The following ARHGAP15 variants were observed in gnomAD, a reference collection of about 807,000 sequenced individuals.
ARHGAP15 encodes Rho GTPase activating protein 15, also known as rho GTPase-activating protein 15.
A neutral mutation model predicts 63.7 loss-of-function variants in ARHGAP15; 51 were observed. The observed-to-expected ratio is 0.80, with a 90% CI of 0.64 to 1.01. The LOEUF (loss-of-function observed/expected upper bound fraction) is 1.01, where lower values mean the gene tolerates loss of function less well. Among genes scored for constraint, ARHGAP15 ranks in the 50% least tolerant of loss-of-function variants. The pLI, the probability that ARHGAP15 is intolerant of heterozygous loss-of-function variation, is 0.00. For missense variants in ARHGAP15, 560 were observed against 564.6 expected (o/e 0.99, Z 0.08); for synonymous variants, 191 against 193.8 (o/e 0.99, Z 0.12).
chr2:143,553,408 A>C (rs543093368), intron 10 of ARHGAP15, among the ~76,000 whole-genome samples: 1 of 152,178 alleles, frequency 6.6e-6, no homozygotes, highest in Non-Finnish European at 1.5e-5. Context: ...AGGGCTTGGA[A>C]GTTGTGTCAA....
chr2:143,460,619 G>A lies in ARHGAP15; in HGVS notation c.703+23577G>A, dbSNP rs537095079. ...TTGCTTGATATGTAATTGCATTAGG[G>A]TTATCATTCTTTTTAATATCATTTT... On this transcript the variant is annotated intron_variant, in intron 8 of 13. Transcript: ENST00000295095. Among the ~76,000 whole-genome samples, 4 of 152,178 alleles carry A rather than the reference G, an allele frequency of 2.6e-5. No homozygotes were observed. In the South Asian group the frequency reaches 8.3e-4, roughly 32 times the overall value.
At chr2:143,505,606 T>C (rs921083602) in intron 9 of ARHGAP15, among the ~76,000 whole-genome samples, 1 of 152,202 alleles carries the variant, frequency 6.6e-6, no homozygotes, top group African/African-American at 2.4e-5. Flanking sequence ...TTGCGTGGAA[T>C]AACTAGCAGA....
intron 6 of ARHGAP15, among the ~76,000 whole-genome samples, chr2:143,252,531 C>G (rs143393714): frequency 6.6e-6 from 1 of 151,830 alleles, no homozygotes; most frequent in Non-Finnish European, 1.5e-5. Flanking sequence ...CTTACAGACG[C>G]TTTATTTTTT....
At chr2:143,523,535 CAT>C (rs1043102600) in intron 10 of ARHGAP15, among the ~76,000 whole-genome samples, 6 of 152,072 alleles carry the variant, frequency 3.9e-5, no homozygotes, top group African/African-American at 1.4e-4. Context: ...GCGAACCAGT[CAT>C]GTTTCTACCC....
intron 2 of ARHGAP15, among the ~76,000 whole-genome samples, chr2:143,191,607 T>C (rs1179410563): frequency 6.6e-6 from 1 of 152,198 alleles, no homozygotes; most frequent in Non-Finnish European, 1.5e-5. Context: ...TATGTGATTC[T>C]TACTGTTATA....
chr2:143,307,855 A>G (rs1401672710), intron 6 of ARHGAP15, among the ~76,000 whole-genome samples: 1 of 152,136 alleles, frequency 6.6e-6, no homozygotes, highest in East Asian at 1.9e-4. Context: ...CTCCAAAAGA[A>G]AAAAAGTTCC....
intron 13 of ARHGAP15, among the ~76,000 whole-genome samples, chr2:143,749,378 G>A (rs997897924): frequency 6.6e-5 from 10 of 152,058 alleles, no homozygotes; most frequent in East Asian, 1.9e-4. Context: ...ATGATCACAC[G>A]AAAACGATCT....
intron 10 of ARHGAP15, among the ~76,000 whole-genome samples, chr2:143,541,740 T>A (rs1695064241): frequency 6.6e-6 from 1 of 152,120 alleles, no homozygotes; most frequent in Non-Finnish European, 1.5e-5. Context: ...CTCTGGAAGT[T>A]TTGTCTCAGA....
chr2:143,519,921 A>G (rs1440910297), intron 10 of ARHGAP15, among the ~76,000 whole-genome samples: 1 of 152,144 alleles, frequency 6.6e-6, no homozygotes, highest in Non-Finnish European at 1.5e-5. Flanking sequence ...AAATTATTTC[A>G]TCTTACTGAA....
chr2:143,547,958 C>G (rs1227657674), intron 10 of ARHGAP15, among the ~76,000 whole-genome samples: 1 of 152,050 alleles, frequency 6.6e-6, no homozygotes, highest in African/African-American at 2.4e-5. Context: ...CTGAACTTTT[C>G]AAGGCATAAA....
At chr2:143,569,495 G>A (rs1248276065) in intron 11 of ARHGAP15, among the ~76,000 whole-genome samples, 1 of 152,158 alleles carries the variant, frequency 6.6e-6, no homozygotes, top group African/African-American at 2.4e-5. Context: ...AAGCAGGGAG[G>A]CATGGAGAGA....
chr2:143,255,914 G>A (rs6719609), intron 6 of ARHGAP15, among the ~76,000 whole-genome samples: 34,093 of 152,032 alleles, frequency 0.22, 4,112 homozygotes, highest in South Asian at 0.35. Context: ...TTGCCCTACA[G>A]CTTGTCCCCA....
chr2:143,661,311 T>C (rs1258382344), intron 12 of ARHGAP15, among the ~76,000 whole-genome samples: 1 of 152,166 alleles, frequency 6.6e-6, no homozygotes, highest in African/African-American at 2.4e-5. Context: ...GCCATCATCA[T>C]TGAAGGTCTA....
intron 11 of ARHGAP15, among the ~76,000 whole-genome samples, chr2:143,589,212 AGTCACTG>A (rs1269449469): frequency 6.6e-6 from 1 of 152,216 alleles, no homozygotes; most frequent in Admixed American, 6.5e-5. Context: ...CCACTTAAGT[AGTCACTG>A]GTCACTGGAA....
intron 6 of ARHGAP15, among the ~76,000 whole-genome samples, chr2:143,423,560 C>G (rs1558961645): frequency 6.6e-6 from 1 of 152,004 alleles, no homozygotes; most frequent in East Asian, 1.9e-4. Flanking sequence ...AGATGCACAC[C>G]ATTATGAAGT....
intron 12 of ARHGAP15, among the ~76,000 whole-genome samples, chr2:143,652,575 A>G (rs1299750343): frequency 1.3e-5 from 2 of 152,102 alleles, no homozygotes; most frequent in Non-Finnish European, 2.9e-5. Flanking sequence ...AACAAGTTAT[A>G]TCTCATTATT....
rs974222062 is a variant in ARHGAP15 at position 143,294,152 on chromosome 2, T to A, written c.474+43552T>A. 2.0e-5 allele frequency among the ~76,000 whole-genome samples: 3 copies of A among 152,068 alleles called. No homozygotes were observed. In the South Asian group the frequency reaches 6.2e-4, roughly 31 times the overall value. Reference sequence around the variant, plus strand: ...CTAAGACAGTCTCTGTTGTTATTCTTACATACTCTGGAACCCACAGCACTT... The same window carrying A: ...CTAAGACAGTCTCTGTTGTTATTCTAACATACTCTGGAACCCACAGCACTT... On this transcript the variant is annotated intron_variant, in intron 6 of 13. Coordinates refer to ENST00000295095, the MANE Select transcript of ARHGAP15 (RefSeq NM_018460.4).
chr2:143,287,531 C>T (rs558660592), intron 6 of ARHGAP15, among the ~76,000 whole-genome samples: 3 of 151,998 alleles, frequency 2.0e-5, no homozygotes, highest in African/African-American at 4.8e-5. Flanking sequence ...TGAGTCCCAG[C>T]GCGGTACCTC....
intron 13 of ARHGAP15, among the ~76,000 whole-genome samples, chr2:143,726,680 C>T (rs1433871418): frequency 3.9e-5 from 6 of 152,192 alleles, no homozygotes; most frequent in Non-Finnish European, 8.8e-5. Context: ...ACAGGGCCAG[C>T]TCTGGACGGC....
Sources: allele counts gnomAD v4.1 joint callset (sites outside exome capture counted in the v4.1 genomes callset), GRCh38; gene constraint gnomAD v4.1.1; transcripts MANE v1.5; gene names NCBI Gene and HGNC (gene_info 2026-07-23, HGNC 2026-07-21).